IREB2: variants seen among roughly 807,000 people sequenced by gnomAD.
IREB2 encodes iron responsive element binding protein 2.
A neutral mutation model predicts 118.8 loss-of-function variants in IREB2; 39 were observed. The ratio of observed to expected loss-of-function variants is 0.33; its 90% CI spans 0.25 to 0.43. The LOEUF (loss-of-function observed/expected upper bound fraction) is 0.43. Among genes scored for constraint, IREB2 ranks in the 20% least tolerant of loss-of-function variants. The pLI is 1.00. For missense variants in IREB2, 900 were observed against 1,147.3 expected (o/e 0.78, Z 3.11); for synonymous variants, 372 against 392.2 (o/e 0.95, Z 0.61).
rs548148036 is a variant in IREB2, at chr15:78,483,811, T to C, written c.1413+377T>C. Among the ~76,000 whole-genome samples, 351 of 149,548 alleles carry C rather than the reference T, an allele frequency of 2.3e-3. 3 individuals carry two copies. The highest frequency in any genetic ancestry group is 8.3e-3 in the African/African-American group (335 of 40,544). On this transcript the variant is annotated intron_variant, in intron 11 of 21. Coordinates refer to ENST00000258886, the MANE Select transcript of IREB2 (RefSeq NM_004136.4). ...TTTTTTTTTTTTTTTTGAGACAGAG[T>C]CTCACTTTGTTGCCCAAGCTGGAGT...
At chr15:78,485,149 G>A (rs2051638669) in intron 12 of IREB2, among the ~76,000 whole-genome samples, 1 of 152,138 alleles carries the variant, frequency 6.6e-6, no homozygotes, top group African/African-American at 2.4e-5. Flanking sequence ...TTAATTTTAG[G>A]TTGTATCTGC....
At chr15:78,488,382 A>T in intron 15 of IREB2, 46 bp downstream of exon 15, 1 of 1,442,284 alleles carries the variant, frequency 6.9e-7, no homozygotes, top group Non-Finnish European at 9.3e-7. Flanking sequence ...TACTTTTCCC[A>T]ATGGAAGTCG....
rs1038895188 is a variant in IREB2, at chr15:78,482,189, C to T, written c.1297-1129C>T. Among the ~76,000 whole-genome samples, 6 of 152,080 alleles carry T rather than the reference C, an allele frequency of 3.9e-5. No individual in the cohort carries two copies. The East Asian group carries it at 1.2e-3, about 29-fold the overall frequency. ...AGGCTGCATTTAGTCCTGACTGTGCCACTGCGCTCCAGCCTGGGCAACAGA... is the reference window on the plus strand; with the variant it reads ...AGGCTGCATTTAGTCCTGACTGTGCTACTGCGCTCCAGCCTGGGCAACAGA... On this transcript the variant is annotated intron_variant, in intron 10 of 21. Transcript: ENST00000258886.
intron 2 of IREB2, among the ~76,000 whole-genome samples, chr15:78,451,250 G>A (rs762215579): frequency 2.0e-5 from 3 of 151,990 alleles, no homozygotes; most frequent in Non-Finnish European, 2.9e-5. Flanking sequence ...ACAGGTGTGA[G>A]CCACCGTGCT....
rs562800463 is a variant in IREB2 at position 78,443,179 on chromosome 15, TAATAA to T, written c.106+3303_106+3307del. 4.8e-3 allele frequency among the ~76,000 whole-genome samples: 728 copies of T among 152,328 alleles called. 6 individuals carry two copies. The highest frequency in any genetic ancestry group is 0.016 in the African/African-American group (671 of 41,572). On this transcript the variant is annotated intron_variant, in intron 2 of 21. Coordinates refer to ENST00000258886, the MANE Select transcript of IREB2 (RefSeq NM_004136.4). ...CACAGTAGAGATTAATAATAACTAATAATAAAATAGAACAGTTATAACAATGTACT... is the reference window on the plus strand; with the variant it reads ...CACAGTAGAGATTAATAATAACTAATAATAGAACAGTTATAACAATGTACT...
intron 10 of IREB2, among the ~76,000 whole-genome samples, chr15:78,481,395 C>G (rs1458800041): frequency 6.6e-6 from 1 of 151,574 alleles, no homozygotes; most frequent in Non-Finnish European, 1.5e-5. Context: ...CTCGCTCTGT[C>G]ACCAGGCTGG....
At chr15:78,450,685 A>T (rs181443749) in intron 2 of IREB2, among the ~76,000 whole-genome samples, 1 of 152,310 alleles carries the variant, frequency 6.6e-6, no homozygotes, top group African/African-American at 2.4e-5. Context: ...GATGTAGTCC[A>T]CGTGCTGTCA....
In IREB2 at chr15:78,488,169, GT is replaced by G. The variant is rs781561593; in HGVS notation, c.1795-4del. 94 of 1,597,680 alleles carry G rather than the reference GT, an allele frequency of 5.9e-5. 1 individual carries two copies. In the East Asian group the frequency reaches 6.8e-4, roughly 12 times the overall value. On this transcript the variant is annotated splice_polypyrimidine_tract_variant and intron_variant, in intron 14 of 21. Transcript: ENST00000258886. ...TGAATTTATTTGTTTGTGTGTTTGT[GT>G]TTTTTTCAGGGTGATTTGGTTACCT...
At chr15:78,497,931 G>A (rs1005923920) in intron 21 of IREB2, 102 bp from the exon 22 acceptor site, 19 of 631,554 alleles carry the variant, frequency 3.0e-5, no homozygotes, top group East Asian at 5.8e-5. Flanking sequence ...GACAGAATCT[G>A]TGGCAAGTAT....
At chr15:78,494,334 C>G in intron 20 of IREB2, 70 bp downstream of exon 20, 1 of 1,457,578 alleles carries the variant, frequency 6.9e-7, no homozygotes, top group Non-Finnish European at 9.4e-7. Flanking sequence ...TCAGTAACAT[C>G]CTGTCAAAGT....
chr15:78,480,706 A>AAAAAG (rs34883279), intron 10 of IREB2, among the ~76,000 whole-genome samples: 1 of 145,574 alleles, frequency 6.9e-6, no homozygotes, highest in Non-Finnish European at 1.5e-5. Context: ...AAAAAAAAAA[A>AAAAAG]TGTCTGGCCG....
intron 21 of IREB2, among the ~76,000 whole-genome samples, chr15:78,497,746 G>T (rs187162839): frequency 6.6e-6 from 1 of 152,256 alleles, no homozygotes; most frequent in Non-Finnish European, 1.5e-5. Context: ...TCAATATTTG[G>T]TGTAAAATGA....
At chr15:78,465,626 TG>T (rs1306739841) in intron 4 of IREB2, among the ~76,000 whole-genome samples, 3 of 152,240 alleles carry the variant, frequency 2.0e-5, no homozygotes, top group Non-Finnish European at 1.5e-5. Flanking sequence ...ACCTGCTTTT[TG>T]GAGTGAACCT....
chr15:78,445,042 A>G (rs1479076459), intron 2 of IREB2, among the ~76,000 whole-genome samples: 1 of 152,156 alleles, frequency 6.6e-6, no homozygotes, highest in African/African-American at 2.4e-5. Context: ...TTATCATTAT[A>G]TAGAATTGTT....
Position 78,499,113 on chromosome 15 carries a change from G to C in IREB2, c.*970G>C, listed in dbSNP as rs1596020627. 6.6e-6 allele frequency: 1 copy of C among 152,152 alleles called. No homozygotes were observed. The highest frequency in any genetic ancestry group is 6.5e-5 in the Admixed American group (1 of 15,268). 9.4% of individuals were successfully genotyped at this position (152,152 alleles called of 1,614,324 possible). ...GTGCTCAACCCTATGCATTTTTTAA[G>C]TGTTGCTATTTCTTAATTAAATTGA... On this transcript the variant is annotated 3_prime_UTR_variant, in exon 22 of 22. Coordinates refer to ENST00000258886, the MANE Select transcript of IREB2 (RefSeq NM_004136.4).
In IREB2 at chr15:78,463,233, G is replaced by T. The variant is rs1322019358; in HGVS notation, c.272+146G>T. 1.1e-5 allele frequency: 8 copies of T among 706,416 alleles called. No homozygotes were observed. In the Admixed American group the frequency reaches 2.1e-4, roughly 18 times the overall value. 43.8% of individuals were successfully genotyped at this position (706,416 alleles called of 1,614,324 possible). A position where few individuals can be genotyped will look rare whatever the true frequency, so the allele number is the denominator to read the frequency against. On this transcript the variant is annotated intron_variant, in intron 3 of 21. Coordinates refer to ENST00000258886, the MANE Select transcript of IREB2 (RefSeq NM_004136.4). ...GCAGGAAGATCACTTGAGCCTGGGA[G>T]TTTGCAGTCAGTCTGGGCAACATAG...
rs2051867098 is a variant in IREB2, at chr15:78,498,025, C to T, written c.2782-8C>T. ...TTGCTCACATGAGATGTTTTTGCTC[C>T]TTTCAAGACAAGCACTGGAAAAGTA... On this transcript the variant is annotated splice_polypyrimidine_tract_variant and splice_region_variant and intron_variant, in intron 21 of 21. Transcript: ENST00000258886. 5 of 1,577,548 alleles carry T rather than the reference C, an allele frequency of 3.2e-6. No individual in the cohort carries two copies. Among genetic ancestry groups the T allele is most frequent in the Non-Finnish European group, 3.5e-6 (4 of 1,147,660 alleles).
rs930321204 is a variant in IREB2, at chr15:78,463,145, A to G, written c.272+58A>G. The G allele has an allele frequency of 5.0e-6, 7 of 1,408,990 alleles. 1 individual carries two copies. The Admixed American group carries it at 9.0e-5, about 18-fold the overall frequency. 87.3% of individuals were successfully genotyped at this position (1,408,990 alleles called of 1,614,324 possible). A position where few individuals can be genotyped will look rare whatever the true frequency, so the allele number is the denominator to read the frequency against. On this transcript the variant is annotated intron_variant, in intron 3 of 21. Coordinates refer to ENST00000258886, the MANE Select transcript of IREB2 (RefSeq NM_004136.4). Reference sequence around the variant, plus strand: ...TCTTAGAGTGTGTTTCCTTTTTAAAATACAGACTCTTGGGTAGGTGTGGTT... The same window carrying G: ...TCTTAGAGTGTGTTTCCTTTTTAAAGTACAGACTCTTGGGTAGGTGTGGTT...
At chr15:78,469,730 A>T (rs1334348665) in intron 5 of IREB2, among the ~76,000 whole-genome samples, 1 of 152,182 alleles carries the variant, frequency 6.6e-6, no homozygotes, top group Non-Finnish European at 1.5e-5. Context: ...GTCTCAAAAA[A>T]AAAAGGTTGA....
Sources: gnomAD v4.1 joint callset for allele counts (sites outside exome capture counted in the v4.1 genomes callset) on GRCh38, gnomAD v4.1.1 for gene constraint, MANE v1.5 for transcripts, NCBI Gene and HGNC (gene_info 2026-07-23, HGNC 2026-07-21) for gene names.